GPNMB: variants seen among roughly 807,000 people sequenced by gnomAD.
The protein encoded by GPNMB is transmembrane glycoprotein NMB.
A neutral mutation model predicts 57.3 loss-of-function variants in GPNMB; 71 were observed. That is an observed-to-expected ratio of 1.24 (90% CI 1.02 to 1.51). The LOEUF (loss-of-function observed/expected upper bound fraction) is 1.51, where lower values mean the gene tolerates loss of function less well. Among genes scored for constraint, GPNMB ranks in the 40% most tolerant of loss-of-function variants. The probability of loss-of-function intolerance (pLI) is 0.00; values close to 1 mark genes in which losing one functional copy is unlikely to be tolerated. For missense variants in GPNMB, 677 were observed against 691.9 expected, an observed-to-expected ratio of 0.98 and a Z score of 0.24; for synonymous variants, 253 against 263.2, an observed-to-expected ratio of 0.96 and a Z score of 0.38.
chr7:23,246,828 CT>C lies in GPNMB; in HGVS notation c.-28del. The stretch of plus-strand genomic sequence containing the variant: ...GGCCCAGAGGAATTCAGAGTTAAAC[CT>C]TGAGTGCCTGCGTCCGTGAGAATTC... On this transcript the variant is annotated 5_prime_UTR_variant, in exon 1 of 11. Coordinates refer to ENST00000258733, the MANE Select transcript of GPNMB (RefSeq NM_002510.3). 6.4e-7 allele frequency: 1 copy of C among 1,565,732 alleles called. No individual in the cohort carries two copies. Among genetic ancestry groups the C allele is most frequent in the Non-Finnish European group, 8.8e-7 (1 of 1,135,844 alleles).
intron 10 of GPNMB, 174 bp from the exon 11 acceptor site, chr7:23,273,891 C>A (rs998772124): frequency 1.7e-6 from 1 of 593,228 alleles, no homozygotes; most frequent in South Asian, 2.2e-5. Flanking sequence ...AGGCACATTT[C>A]TTGCATGAAC....
At position 23,259,983 on chromosome 7, in the gene GPNMB, A is replaced by G; in HGVS notation, c.545A>G (p.Gln182Arg). Reference sequence around the variant, plus strand: ...AAAAATTTCCATCCTCCCAAAGGTCAGTATTTCCAGAAATTGGGACGATGT... The same window carrying G: ...AAAAATTTCCATCCTCCCAAAGGTCGGTATTTCCAGAAATTGGGACGATGT... ...NFIYVFHTLG[Q>R]YFQKLGRCSV... Residue 182 changes from glutamine to arginine, a missense_variant, in exon 5 of 11, where the codon CAG becomes CGG. Transcript: ENST00000258733. The G allele has an allele frequency of 1.9e-6, 3 of 1,614,106 alleles. No individual in the cohort carries two copies. The highest frequency in any genetic ancestry group is 1.7e-6 in the Non-Finnish European group (2 of 1,179,952).
rs199884515 is a variant in GPNMB at position 23,260,723 on chromosome 7, G to C, written c.968G>C (p.Cys323Ser). 29 of 1,593,726 alleles carry C rather than the reference G, an allele frequency of 1.8e-5. No individual in the cohort carries two copies. In the Admixed American group the frequency reaches 5.0e-4, roughly 27 times the overall value. The change falls in exon 6 of 11, where the codon TGT (cysteine) becomes TCT (serine). Residue 323 changes from cysteine (C) to serine (S), a missense_variant. Coordinates refer to ENST00000258733, the MANE Select transcript of GPNMB (RefSeq NM_002510.3). ...LTVKAAAPGPCPPPPPPPRPS... is the reference protein window; with the variant it reads ...LTVKAAAPGPSPPPPPPPRPS... Reference sequence around the variant, plus strand: ...GTGAAAGCTGCAGCACCAGGACCTTGTCCGCCACCGCCACCACCACCCAGA... The same window carrying C: ...GTGAAAGCTGCAGCACCAGGACCTTCTCCGCCACCGCCACCACCACCCAGA...
chr7:23,253,261 G>A, intron 1 of GPNMB, 46 bp from the exon 2 acceptor site: 1 of 1,565,920 alleles, frequency 6.4e-7, no homozygotes, highest in Non-Finnish European at 8.8e-7. Context: ...CCACTGTGAG[G>A]TGATTACTAA....
intron 1 of GPNMB, 28 bp from the exon 2 acceptor site, chr7:23,253,279 A>G (rs1296817678): frequency 2.5e-6 from 4 of 1,603,126 alleles, no homozygotes; most frequent in Non-Finnish European, 3.4e-6. Context: ...TAAATGAAGA[A>G]TGGAATTTGT....
intron 6 of GPNMB, among the ~76,000 whole-genome samples, chr7:23,265,627 C>A (rs943434814): frequency 6.6e-6 from 1 of 152,030 alleles, no homozygotes. Context: ...AAAGAATGAT[C>A]TTTTCCCATA....
chr7:23,257,021 C>T lies in GPNMB; in HGVS notation c.497C>T (p.Pro166Leu), dbSNP rs368466809. The T allele has an allele frequency of 6.2e-7, 1 of 1,614,042 alleles. No homozygotes were observed. Among genetic ancestry groups the T allele is most frequent in the African/African-American group, 1.3e-5 (1 of 74,932 alleles). The change falls in exon 4 of 11, where the codon CCC becomes CTC. Residue 166 changes from proline (P) to leucine (L), a missense_variant. Physicochemically the swap from Pro to Leu is moderately conservative, Grantham distance 98. Transcript: ENST00000258733. ...GATGGGAAACCTTTTCCTCACCACC[C>T]CGGATGGAGAAGATGGAATTTCATC... ...FPDGKPFPHH[P>L]GWRRWNFIYV...
intron 1 of GPNMB, chr7:23,247,767 T>G (rs1782567468): frequency 1.3e-5 from 2 of 152,196 alleles, no homozygotes. Flanking sequence ...GCCCTAACCC[T>G]CAGTCTCCCG....
At chr7:23,273,258 A>G in intron 9 of GPNMB, 1 of 382,708 alleles carries the variant, frequency 2.6e-6, no homozygotes, top group East Asian at 5.0e-5. Flanking sequence ...TGGGTCACCC[A>G]AGACCTGAGC....
In GPNMB at chr7:23,270,005, C is replaced by A. The variant is rs1783161389; in HGVS notation, c.1259C>A (p.Thr420Asn). The change falls in exon 9 of 11, where the codon ACC becomes AAC. Residue 420 changes from threonine (T) to asparagine (N), a missense_variant. Transcript: ENST00000258733. ...TEVCTIISDP[T>N]CEITQNTVCS... is the part of the protein sequence containing the mutation. The stretch of plus-strand genomic sequence containing the variant: ...GTCTGTACCATCATTTCTGACCCCA[C>A]CTGCGAGATCACCCAGAACACAGTC... 6.2e-7 allele frequency: 1 copy of A among 1,614,128 alleles called. No individual in the cohort carries two copies. The highest frequency in any genetic ancestry group is 2.2e-5 in the East Asian group (1 of 44,888).
rs1783113095 is a variant in GPNMB, at chr7:23,268,051, A to G, written c.1220+63A>G. The G allele has an allele frequency of 6.2e-6, 6 of 963,998 alleles. No individual in the cohort carries two copies. In the African/African-American group the frequency reaches 9.7e-5, roughly 16 times the overall value. 59.7% of individuals were successfully genotyped at this position (963,998 alleles called of 1,614,324 possible). ...AACTGAGGACCTCAAGTCTGAACAA[A>G]GGCATTGACCACCAGTTACCCCTTT... On this transcript the variant is annotated intron_variant, in intron 8 of 10. Coordinates refer to ENST00000258733, the MANE Select transcript of GPNMB (RefSeq NM_002510.3).
chr7:23,266,764 A>C, intron 7 of GPNMB, 149 bp downstream of exon 7: 2 of 630,128 alleles, frequency 3.2e-6, no homozygotes, highest in South Asian at 4.5e-5. Flanking sequence ...AAGAGCAAAG[A>C]CCCCATTCAT....
Position 23,246,792 on chromosome 7 carries a change from C to G in GPNMB, c.-66C>G. 1 of 1,168,948 alleles carries G rather than the reference C, an allele frequency of 8.6e-7. No homozygotes were observed. The highest frequency in any genetic ancestry group is 1.2e-5 in the South Asian group (1 of 82,066). 72.4% of individuals were successfully genotyped at this position (1,168,948 alleles called of 1,614,324 possible). A position where few individuals can be genotyped will look rare whatever the true frequency, so the allele number is the denominator to read the frequency against. On this transcript the variant is annotated 5_prime_UTR_variant, in exon 1 of 11. Coordinates refer to ENST00000258733, the MANE Select transcript of GPNMB (RefSeq NM_002510.3). ...CAGATGCCAGAAGAACACTGTTGCTCTTGGTGGACGGGCCCAGAGGAATTC... is the reference window on the plus strand; with the variant it reads ...CAGATGCCAGAAGAACACTGTTGCTGTTGGTGGACGGGCCCAGAGGAATTC...
intron 1 of GPNMB, 23 bp from the exon 2 acceptor site, chr7:23,253,284 A>G: frequency 6.2e-7 from 1 of 1,605,112 alleles, no homozygotes; most frequent in Non-Finnish European, 8.5e-7. Context: ...GAAGAATGGA[A>G]TTTGTTTCGA....
intron 3 of GPNMB, among the ~76,000 whole-genome samples, chr7:23,256,645 T>C (rs989037046): frequency 6.6e-6 from 1 of 152,218 alleles, no homozygotes; most frequent in African/African-American, 2.4e-5. Flanking sequence ...TTAAATGATA[T>C]CTCTACATTG....
chr7:23,252,195 C>T (rs1483638252), intron 1 of GPNMB, among the ~76,000 whole-genome samples: 1 of 152,092 alleles, frequency 6.6e-6, no homozygotes, highest in African/African-American at 2.4e-5. Flanking sequence ...ACAAGTGGAA[C>T]AAATAGAAAA....
At chr7:23,272,037 A>G (rs1783219842) in intron 9 of GPNMB, among the ~76,000 whole-genome samples, 1 of 152,028 alleles carries the variant, frequency 6.6e-6, no homozygotes, top group Non-Finnish European at 1.5e-5. Flanking sequence ...CTGGGTGGAG[A>G]GCCGGGGAGG....
intron 7 of GPNMB, among the ~76,000 whole-genome samples, chr7:23,266,934 C>T (rs944206720): frequency 2.0e-5 from 3 of 152,170 alleles, no homozygotes; most frequent in Non-Finnish European, 2.9e-5. Context: ...AGGCTAGCAT[C>T]GAGTTCCTAC....
rs760872488 is a variant in GPNMB, at chr7:23,253,440, G to A, written c.204G>A (p.Arg68=). 1.4e-5 allele frequency: 22 copies of A among 1,613,598 alleles called. No individual in the cohort carries two copies. The highest frequency in any genetic ancestry group is 1.8e-5 in the Non-Finnish European group (21 of 1,179,868). Reference sequence around the variant, plus strand: ...CAGTGTGGAAGCGGGGAGACATGAGGTGGAAAAACTCCTGGAAGGGTAAGT... The same window carrying A: ...CAGTGTGGAAGCGGGGAGACATGAGATGGAAAAACTCCTGGAAGGGTAAGT... ...LYPVWKRGDM[R]WKNSWKGGRV... The change falls in exon 2 of 11, where the codon AGG becomes AGA. Residue 68 remains arginine, a synonymous_variant. Coordinates refer to ENST00000258733, the MANE Select transcript of GPNMB (RefSeq NM_002510.3).
Sources: gnomAD v4.1 joint callset for allele counts (sites outside exome capture counted in the v4.1 genomes callset) on GRCh38, gnomAD v4.1.1 for gene constraint, MANE v1.5 for transcripts, NCBI Gene and HGNC (gene_info 2026-07-23, HGNC 2026-07-21) for gene names.